Variants in FARP1 observed in about 807,000 individuals in gnomAD.
FARP1 encodes FERM, ARH/RhoGEF and pleckstrin domain protein 1, also known as FERM, ARHGEF and pleckstrin domain-containing protein 1.
A neutral mutation model predicts 128.8 loss-of-function variants in FARP1; 52 were observed. The ratio of observed to expected loss-of-function variants is 0.40; its 90% CI spans 0.32 to 0.51. The LOEUF is 0.51. Among genes scored for constraint, FARP1 ranks in the 20% least tolerant of loss-of-function variants. The pLI is 0.45. For synonymous variants in FARP1, 580 were observed against 551.8 expected, an observed-to-expected ratio of 1.05 and a Z score of -0.72; for missense variants, 1,333 against 1,367.9, an observed-to-expected ratio of 0.97 and a Z score of 0.40.
chr13:98,251,291 C>G (rs189874228), intron 2 of FARP1, among the ~76,000 whole-genome samples: 1 of 152,302 alleles, frequency 6.6e-6, no homozygotes, highest in African/African-American at 2.4e-5. Flanking sequence ...GGCCACAGTT[C>G]ATATCTTCTG....
chr13:98,279,910 G>T (rs1884850424), intron 2 of FARP1, among the ~76,000 whole-genome samples: 1 of 152,034 alleles, frequency 6.6e-6, no homozygotes, highest in Non-Finnish European at 1.5e-5. Flanking sequence ...TGTCTTCCGG[G>T]TCTCCCCCAC....
At chr13:98,382,449 A>G (rs1321591889) in intron 6 of FARP1, 1 of 152,244 alleles carries the variant, frequency 6.6e-6, no homozygotes, top group Non-Finnish European at 1.5e-5. Context: ...AAACTGGACC[A>G]TTCGGCTCTC....
intron 2 of FARP1, among the ~76,000 whole-genome samples, chr13:98,243,335 A>G (rs1287870813): frequency 1.3e-5 from 2 of 152,112 alleles, no homozygotes; most frequent in Non-Finnish European, 2.9e-5. Flanking sequence ...CAATGCATGT[A>G]GCTCTGTAGG....
intron 2 of FARP1, among the ~76,000 whole-genome samples, chr13:98,251,305 C>A (rs1002891691): frequency 1.3e-5 from 2 of 152,182 alleles, no homozygotes; most frequent in African/African-American, 4.8e-5. Context: ...TCTTCTGCCT[C>A]CTTGTCTAGG....
At chr13:98,282,460 G>GT (rs1884979767) in intron 2 of FARP1, among the ~76,000 whole-genome samples, 1 of 152,120 alleles carries the variant, frequency 6.6e-6, no homozygotes, top group African/African-American at 2.4e-5. Flanking sequence ...TAACTCAAAA[G>GT]TTGACAGGCT....
intron 2 of FARP1, among the ~76,000 whole-genome samples, chr13:98,282,535 C>G (rs1398041531): frequency 6.6e-6 from 1 of 152,126 alleles, no homozygotes; most frequent in African/African-American, 2.4e-5. Flanking sequence ...GATCAGTTCT[C>G]TCTCTAAGAA....
In FARP1 at chr13:98,431,051, G is replaced by A. The variant is rs140553303; in HGVS notation, c.1914G>A (p.Ala638=). Residue 638 remains alanine, a synonymous_variant, in exon 18 of 27, where the codon GCG becomes GCA. Transcript: ENST00000319562. ...CTCTGTTGCCTCCCAAGCACCTGGCGGCTCACCTGTGGAAGCACAGCGAGG... is the reference window on the plus strand; with the variant it reads ...CTCTGTTGCCTCCCAAGCACCTGGCAGCTCACCTGTGGAAGCACAGCGAGG... ...LKNIQGMKHL[A]AHLWKHSEAL... is the part of the protein sequence containing the mutation. 1.9e-4 allele frequency: 301 copies of A among 1,612,768 alleles called. No homozygotes were observed. In the African/African-American group the frequency reaches 3.7e-3, roughly 20 times the overall value.
chr13:98,241,867 C>A (rs970466436), intron 2 of FARP1, among the ~76,000 whole-genome samples: 2 of 151,996 alleles, frequency 1.3e-5, no homozygotes, highest in African/African-American at 4.8e-5. Flanking sequence ...TGCAGTGAGC[C>A]GAGATTGCGC....
At chr13:98,367,473 C>T (rs73567637) in intron 4 of FARP1, among the ~76,000 whole-genome samples, 4,271 of 151,354 alleles carry the variant, frequency 0.028, 226 homozygotes, top group African/African-American at 0.099. Flanking sequence ...TATAATCTGT[C>T]TGTCCTGTTT....
At chr13:98,187,393 A>G (rs758089373) in intron 1 of FARP1, among the ~76,000 whole-genome samples, 2 of 152,230 alleles carry the variant, frequency 1.3e-5, no homozygotes, top group African/African-American at 2.4e-5. Flanking sequence ...GAGAAACACA[A>G]GATGCTTTGA....
At chr13:98,296,177 G>C (rs1885677328) in intron 2 of FARP1, among the ~76,000 whole-genome samples, 1 of 152,160 alleles carries the variant, frequency 6.6e-6, no homozygotes, top group Non-Finnish European at 1.5e-5. Flanking sequence ...TAGCAGATCT[G>C]TGTCTTCAGT....
intron 2 of FARP1, among the ~76,000 whole-genome samples, chr13:98,214,964 A>G (rs1448608758): frequency 6.6e-6 from 1 of 152,184 alleles, no homozygotes; most frequent in Non-Finnish European, 1.5e-5. Context: ...AGCACTGTGA[A>G]GGACTTCTGA....
intron 1 of FARP1, among the ~76,000 whole-genome samples, chr13:98,172,002 C>A (rs1877687488): frequency 6.6e-6 from 1 of 152,144 alleles, no homozygotes; most frequent in South Asian, 2.1e-4. Flanking sequence ...TTGTGGCGCT[C>A]TGGGGGTGTC....
intron 2 of FARP1, among the ~76,000 whole-genome samples, chr13:98,278,402 TGA>T (rs1458540426): frequency 3.9e-5 from 6 of 152,080 alleles, no homozygotes; most frequent in Non-Finnish European, 5.9e-5. Flanking sequence ...CATATGTGTG[TGA>T]GTGTGCTTGT....
intron 1 of FARP1, among the ~76,000 whole-genome samples, chr13:98,191,299 C>G (rs17269201): frequency 0.21 from 31,210 of 152,140 alleles, 3,909 homozygotes; most frequent in Middle Eastern, 0.34. Context: ...GTGAAACGAG[C>G]ACTGGGGATG....
At chr13:98,447,815 AG>A (rs903393846) in intron 26 of FARP1, 4 of 177,592 alleles carry the variant, frequency 2.3e-5, no homozygotes, top group African/African-American at 9.6e-5. Flanking sequence ...ACTGAACTCC[AG>A]TATGAGTGAC....
intron 5 of FARP1, among the ~76,000 whole-genome samples, chr13:98,375,019 C>T (rs1889521527): frequency 6.6e-6 from 1 of 152,236 alleles, no homozygotes; most frequent in Non-Finnish European, 1.5e-5. Context: ...ACACCTTTCA[C>T]TGGGCCCCAC....
In FARP1 at chr13:98,440,739, T is replaced by C; in HGVS notation, c.2699T>C (p.Leu900Pro). The change falls in exon 24 of 27, where the codon CTG becomes CCG. Residue 900 changes from leucine to proline, a missense_variant. Transcript: ENST00000319562. ...EDDLSASRTS[L>P]ERQAPHRGNT... ...GACCTGAGCGCCTCGCGCACATCGC[T>C]GGAGCGCCAGGCCCCGCACCGCGGC... 2 of 1,613,500 alleles carry C rather than the reference T, an allele frequency of 1.2e-6. No homozygotes were observed. The highest frequency in any genetic ancestry group is 1.7e-6 in the Non-Finnish European group (2 of 1,179,994).
chr13:98,440,864 C>A, intron 24 of FARP1, 28 bp downstream of exon 24: 1 of 1,565,346 alleles, frequency 6.4e-7, no homozygotes, highest in South Asian at 1.2e-5. Context: ...AGCTCTGGTT[C>A]CCAGCTTGTG....
Sources: allele counts gnomAD v4.1 joint callset (sites outside exome capture counted in the v4.1 genomes callset), GRCh38; gene constraint gnomAD v4.1.1; transcripts MANE v1.5; gene names NCBI Gene and HGNC (gene_info 2026-07-23, HGNC 2026-07-21).